The following ST6GAL2 variants were observed in gnomAD, a reference collection of about 807,000 sequenced individuals.
ST6GAL2 encodes beta-galactoside alpha-2,6-sialyltransferase 2.
Under a neutral mutation model 37.5 loss-of-function variants are expected in ST6GAL2, and 24 were observed. The observed-to-expected ratio is 0.64, with a 90% confidence interval of 0.46 to 0.90. The LOEUF is 0.90. Ranked by LOEUF, ST6GAL2 falls within the 40% of genes least tolerant of loss-of-function variation. The probability of loss-of-function intolerance (pLI) is 0.00; values close to 1 mark genes in which losing one functional copy is unlikely to be tolerated. For missense variants in ST6GAL2, 715 were observed against 712.7 expected (o/e 1.00, Z -0.04); for synonymous variants, 306 against 295.1 (o/e 1.04, Z -0.38).
intron 1 of ST6GAL2, among the ~76,000 whole-genome samples, chr2:106,882,275 T>A (rs1330296469): frequency 6.6e-6 from 1 of 152,198 alleles, no homozygotes; most frequent in Non-Finnish European, 1.5e-5. Flanking sequence ...GTTGTCATTC[T>A]TGTTTTCCTC....
chr2:106,822,559 T>G (rs1296973891), intron 5 of ST6GAL2, among the ~76,000 whole-genome samples: 1 of 152,168 alleles, frequency 6.6e-6, no homozygotes, highest in South Asian at 2.1e-4. Flanking sequence ...ACTGTTCAAA[T>G]GTCCATACTA....
At chr2:106,838,928 C>T (rs1405624157) in intron 2 of ST6GAL2, among the ~76,000 whole-genome samples, 5 of 151,926 alleles carry the variant, frequency 3.3e-5, no homozygotes, top group Admixed American at 6.6e-5. Flanking sequence ...CCCAGCTACT[C>T]GGGAGGCTGA....
At chr2:106,862,456 G>A (rs185771275) in intron 1 of ST6GAL2, among the ~76,000 whole-genome samples, 2 of 152,280 alleles carry the variant, frequency 1.3e-5, no homozygotes, top group East Asian at 3.9e-4. Context: ...TAAAGTGTCA[G>A]ATGAATTTGA....
At chr2:106,832,533 G>T (rs200793811) in intron 4 of ST6GAL2, 32 bp downstream of exon 4, 5 of 1,177,572 alleles carry the variant, frequency 4.2e-6, no homozygotes, top group East Asian at 4.8e-5. Context: ...TTGTCTGACC[G>T]TTGGGGTGGG....
Position 106,843,132 on chromosome 2 carries a change from G to T in ST6GAL2, c.846C>A (p.Ala282=). Residue 282 remains alanine, a synonymous_variant, in exon 2 of 6, where the codon GCC becomes GCA. Transcript: ENST00000409382. ...SALGWRRLVP[A]VPLSQLHPRG... is the part of the protein sequence containing the mutation. ...GGGGGTGCAGCTGGCTCAGGGGCAC[G>T]GCGGGCACCAGGCGCCGCCAGCCCA... 2 of 1,567,272 alleles carry T rather than the reference G, an allele frequency of 1.3e-6. No homozygotes were observed. The highest frequency in any genetic ancestry group is 1.7e-6 in the Non-Finnish European group (2 of 1,159,828).
intron 1 of ST6GAL2, among the ~76,000 whole-genome samples, chr2:106,871,818 C>G (rs1573314015): frequency 6.6e-6 from 1 of 152,302 alleles, no homozygotes; most frequent in East Asian, 1.9e-4. Flanking sequence ...CCTGAAGGAC[C>G]TGCCTGGGGC....
At chr2:106,865,378 A>G (rs1677980268) in intron 1 of ST6GAL2, among the ~76,000 whole-genome samples, 1 of 152,190 alleles carries the variant, frequency 6.6e-6, no homozygotes, top group Non-Finnish European at 1.5e-5. Context: ...GCACATGCTT[A>G]GAGTTTCTAC....
At chr2:106,831,666 T>C (rs1307316356) in intron 4 of ST6GAL2, among the ~76,000 whole-genome samples, 1 of 152,146 alleles carries the variant, frequency 6.6e-6, no homozygotes, top group Non-Finnish European at 1.5e-5. Flanking sequence ...TGGTCAAGAA[T>C]TGTAAGTAAT....
At chr2:106,867,383 T>G (rs1379611041) in intron 1 of ST6GAL2, among the ~76,000 whole-genome samples, 1 of 152,216 alleles carries the variant, frequency 6.6e-6, no homozygotes, top group Non-Finnish European at 1.5e-5. Context: ...TGTTTATCCC[T>G]CTTCCTTTTT....
upstream of ST6GAL2, chr2:106,886,180 G>C (rs953198712): frequency 6.6e-6 from 1 of 152,202 alleles, no homozygotes; most frequent in Non-Finnish European, 1.5e-5. Flanking sequence ...AGTCCAAGGC[G>C]TGCGTGTCAC....
intron 1 of ST6GAL2, among the ~76,000 whole-genome samples, chr2:106,869,074 G>C (rs1678153787): frequency 6.6e-6 from 1 of 152,042 alleles, no homozygotes; most frequent in African/African-American, 2.4e-5. Context: ...CAAATGAGAT[G>C]AGCTCCCATA....
intron 5 of ST6GAL2, among the ~76,000 whole-genome samples, chr2:106,816,091 T>C (rs760489493): frequency 6.6e-6 from 1 of 152,180 alleles, no homozygotes; most frequent in South Asian, 2.1e-4. Flanking sequence ...GTGGAGTTAT[T>C]TGGTGTTTTT....
chr2:106,885,107 T>A (rs1283036674), intron 1 of ST6GAL2, among the ~76,000 whole-genome samples: 5 of 149,018 alleles, frequency 3.4e-5, no homozygotes, highest in African/African-American at 1.2e-4. Flanking sequence ...CAGCATGGGG[T>A]TTTTCAAGTG....
intron 1 of ST6GAL2, among the ~76,000 whole-genome samples, chr2:106,848,882 G>A (rs1013573404): frequency 3.9e-5 from 6 of 152,194 alleles, no homozygotes; most frequent in African/African-American, 9.6e-5. Flanking sequence ...ACCAAGCAGC[G>A]CCAGAGATAA....
chr2:106,806,315 T>G lies in ST6GAL2; in HGVS notation c.*363A>C, dbSNP rs1675411995. 9.9e-6 allele frequency: 2 copies of G among 202,148 alleles called. No individual in the cohort carries two copies. Among genetic ancestry groups the G allele is most frequent in the Admixed American group, 1.1e-4 (2 of 18,704 alleles). 12.5% of individuals were successfully genotyped at this position (202,148 alleles called of 1,614,324 possible). On this transcript the variant is annotated 3_prime_UTR_variant, in exon 6 of 6. Coordinates refer to ENST00000409382, the MANE Select transcript of ST6GAL2 (RefSeq NM_001142351.2). ...GTTTCTAAACATAAACCACTTCATA[T>G]GGTCAGGAACATCACCAAAACCTGT...
chr2:106,870,857 A>G (rs1375787941), intron 1 of ST6GAL2, among the ~76,000 whole-genome samples: 2 of 152,202 alleles, frequency 1.3e-5, no homozygotes, highest in African/African-American at 4.8e-5. Context: ...CACGGCTCAT[A>G]AGGAAAATGA....
rs986142617 is a variant in ST6GAL2 at position 106,802,133 on chromosome 2, G to A, written c.*4545C>T. 6.6e-6 allele frequency: 1 copy of A among 152,202 alleles called. No homozygotes were observed. The highest frequency in any genetic ancestry group is 1.5e-5 in the Non-Finnish European group (1 of 68,046). The allele number at this position is 152,202 out of a possible 1,614,324, so 9.4% of individuals were successfully genotyped here. A position where few individuals can be genotyped will look rare whatever the true frequency, so the allele number is the denominator to read the frequency against. On this transcript the variant is annotated 3_prime_UTR_variant, in exon 6 of 6. Transcript: ENST00000409382. The stretch of plus-strand genomic sequence containing the variant: ...CAGTCCATTTTAATGTAGCCAAGAT[G>A]TGCAGAGTATGAGTGTGTGGGAAGC...
rs549387668 is a variant in ST6GAL2, at chr2:106,829,040, C to T, written c.1318+1026G>A. Among the ~76,000 whole-genome samples, 26 of 152,294 alleles carry T rather than the reference C, an allele frequency of 1.7e-4. No individual in the cohort carries two copies. In the South Asian group the frequency reaches 5.2e-3, roughly 30 times the overall value. The stretch of plus-strand genomic sequence containing the variant: ...CTAAATGAGGTACTGGAACTAGTCT[C>T]ATCAAAGCCCGCACCTACTCATAAT... On this transcript the variant is annotated intron_variant, in intron 5 of 5. Transcript: ENST00000409382.
chr2:106,863,223 G>A (rs545680589), intron 1 of ST6GAL2, among the ~76,000 whole-genome samples: 6 of 152,268 alleles, frequency 3.9e-5, no homozygotes, highest in South Asian at 2.1e-4. Context: ...GCTCACGTTT[G>A]CTCTCTTGTT....
Sources: gnomAD v4.1 joint callset for allele counts (sites outside exome capture counted in the v4.1 genomes callset) on GRCh38, gnomAD v4.1.1 for gene constraint, MANE v1.5 for transcripts, NCBI Gene and HGNC (gene_info 2026-07-23, HGNC 2026-07-21) for gene names.